Variants in ARMC9 observed in about 807,000 individuals in gnomAD.
ARMC9 encodes armadillo repeat containing 9, also known as lisH domain-containing protein ARMC9.
ARMC9 carries 94 observed loss-of-function variants against 107.0 expected under a neutral mutation model. The ratio of observed to expected loss-of-function variants is 0.88; its 90% CI spans 0.74 to 1.04. The LOEUF is 1.04. ARMC9 is among the 50% of genes least tolerant of loss of function. The pLI is 0.00. For missense variants in ARMC9, 942 were observed against 1,030.1 expected (o/e 0.91, Z 1.17); for synonymous variants, 380 against 396.9 (o/e 0.96, Z 0.51).
chr2:231,272,744 G>A (rs1288251342), intron 13 of ARMC9, among the ~76,000 whole-genome samples: 6 of 151,426 alleles, frequency 4.0e-5, no homozygotes, highest in Non-Finnish European at 8.8e-5. Flanking sequence ...TCAAACTCCT[G>A]GCCTCAGGTG....
At chr2:231,202,974 A>G (rs2031315647) in intron 1 of ARMC9, among the ~76,000 whole-genome samples, 1 of 152,176 alleles carries the variant, frequency 6.6e-6, no homozygotes, top group East Asian at 1.9e-4. Flanking sequence ...CCAGATAAGC[A>G]CAACAGAGAG....
intron 19 of ARMC9, among the ~76,000 whole-genome samples, chr2:231,316,193 T>C (rs1253321198): frequency 2.7e-5 from 4 of 149,552 alleles, no homozygotes; most frequent in African/African-American, 9.9e-5. Flanking sequence ...TGTGTGTGTG[T>C]ATCTCCACCT....
chr2:231,278,042 C>T lies in ARMC9; in HGVS notation c.1475-340C>T, dbSNP rs538922460. On this transcript the variant is annotated intron_variant, in intron 15 of 24. Transcript: ENST00000611582. ...GTTGCTCTATAATGTATTGTGCTTT[C>T]ACTGTAATGACTCGCTCTGTGCTCT... Among the ~76,000 whole-genome samples, 28 of 152,282 alleles carry T rather than the reference C, an allele frequency of 1.8e-4. 1 individual carries two copies. In the South Asian group the frequency reaches 5.6e-3, roughly 30 times the overall value.
intron 1 of ARMC9, among the ~76,000 whole-genome samples, chr2:231,204,176 G>GAA (rs5839392): frequency 4.1e-5 from 4 of 98,296 alleles, no homozygotes; most frequent in Admixed American, 2.3e-4. Context: ...TCTGTCTCAG[G>GAA]AAAAAAAAAA....
At chr2:231,219,219 A>AGT (rs2033859330) in intron 5 of ARMC9, among the ~76,000 whole-genome samples, 1 of 151,916 alleles carries the variant, frequency 6.6e-6, no homozygotes, top group African/African-American at 2.4e-5. Context: ...TTATGCAATC[A>AGT]GTGTGTGTAG....
At chr2:231,209,291 G>A (rs1462036195) in intron 3 of ARMC9, among the ~76,000 whole-genome samples, 1 of 152,136 alleles carries the variant, frequency 6.6e-6, no homozygotes. Flanking sequence ...TGAGGTAGGA[G>A]GATCACTTGA....
At chr2:231,237,175 C>CGTGTGTGT (rs58607252) in intron 8 of ARMC9, among the ~76,000 whole-genome samples, 11,594 of 148,696 alleles carry the variant, frequency 0.078, 552 homozygotes, top group African/African-American at 0.13. Context: ...TCTGCGTATG[C>CGTGTGTGT]GTGTGTGTGT....
At chr2:231,271,994 G>A (rs1168877335) in intron 13 of ARMC9, among the ~76,000 whole-genome samples, 1 of 151,734 alleles carries the variant, frequency 6.6e-6, no homozygotes, top group Non-Finnish European at 1.5e-5. Flanking sequence ...TTGGGTTCAG[G>A]ATTTCATGGA....
At chr2:231,237,208 A>G (rs959261480) in intron 8 of ARMC9, among the ~76,000 whole-genome samples, 1 of 98,270 alleles carries the variant, frequency 1.0e-5, no homozygotes, top group Non-Finnish European at 2.2e-5. Flanking sequence ...GTGTGTGTGT[A>G]CACACATGCG....
chr2:231,212,171 G>A (rs2032962201), intron 3 of ARMC9, among the ~76,000 whole-genome samples: 1 of 152,184 alleles, frequency 6.6e-6, no homozygotes, highest in Non-Finnish European at 1.5e-5. Flanking sequence ...TAAGAAGCGT[G>A]TGTGTCTACA....
At chr2:231,259,129 A>T in intron 11 of ARMC9, 27 bp downstream of exon 11, 1 of 1,565,116 alleles carries the variant, frequency 6.4e-7, no homozygotes, top group Non-Finnish European at 8.8e-7. Context: ...TAAAGTTAGA[A>T]AACAAAACCA....
At chr2:231,348,580 A>C (rs1415295372) in intron 21 of ARMC9, among the ~76,000 whole-genome samples, 1 of 152,234 alleles carries the variant, frequency 6.6e-6, no homozygotes, top group Admixed American at 6.5e-5. Context: ...AAAAATGAAC[A>C]AATGGGATCA....
At chr2:231,319,922 T>C (rs917180819) in intron 19 of ARMC9, among the ~76,000 whole-genome samples, 4 of 152,184 alleles carry the variant, frequency 2.6e-5, no homozygotes, top group African/African-American at 4.8e-5. Context: ...CCCCTCCTTC[T>C]CTCCCCAGAA....
chr2:231,263,060 C>A (rs1231114417), intron 12 of ARMC9, among the ~76,000 whole-genome samples: 1 of 152,156 alleles, frequency 6.6e-6, no homozygotes, highest in African/African-American at 2.4e-5. Context: ...CCTTGCCCCT[C>A]CTACCTGTAT....
chr2:231,295,235 G>A (rs1574983871), intron 18 of ARMC9: 1 of 152,386 alleles, frequency 6.6e-6, no homozygotes, highest in East Asian at 1.9e-4. Context: ...GGGATAGAGG[G>A]AGGAGTAAGT....
At chr2:231,287,509 C>T (rs911977179) in intron 17 of ARMC9, among the ~76,000 whole-genome samples, 2 of 152,172 alleles carry the variant, frequency 1.3e-5, no homozygotes, top group Admixed American at 6.5e-5. Flanking sequence ...CACTGTATTC[C>T]GTGATGCTCA....
At chr2:231,342,490 G>A (rs112470079) in intron 20 of ARMC9, among the ~76,000 whole-genome samples, 133 of 152,200 alleles carry the variant, frequency 8.7e-4, no homozygotes, top group Non-Finnish European at 1.7e-3. Flanking sequence ...TCACAGGCTC[G>A]AGAAAACCCG....
intron 19 of ARMC9, among the ~76,000 whole-genome samples, chr2:231,328,610 G>T (rs967001045): frequency 6.6e-6 from 1 of 151,638 alleles, no homozygotes; most frequent in African/African-American, 2.4e-5. Flanking sequence ...AATTTCTTTT[G>T]TACCTTAGTC....
chr2:231,367,555 G>C (rs936366852), intron 23 of ARMC9, among the ~76,000 whole-genome samples: 1 of 152,204 alleles, frequency 6.6e-6, no homozygotes, highest in East Asian at 1.9e-4. Flanking sequence ...GCCCTTACCA[G>C]TGCTGGGAAT....
Sources: gnomAD v4.1 joint callset for allele counts (sites outside exome capture counted in the v4.1 genomes callset) on GRCh38, gnomAD v4.1.1 for gene constraint, MANE v1.5 for transcripts, NCBI Gene and HGNC (gene_info 2026-07-23, HGNC 2026-07-21) for gene names.